Variants in HS3ST4 observed in about 807,000 individuals in gnomAD.
The protein encoded by HS3ST4 is heparan sulfate-glucosamine 3-sulfotransferase 4.
In HS3ST4, 17 loss-of-function variants were observed where a neutral mutation model predicts 29.2. The observed-to-expected ratio is 0.58, with a 90% confidence interval of 0.40 to 0.87. HS3ST4 has a LOEUF of 0.87. Among genes scored for constraint, HS3ST4 ranks in the 40% least tolerant of loss-of-function variants. The pLI is 0.00. For synonymous variants in HS3ST4, 314 were observed against 285.7 expected (o/e 1.10, Z -1.00); for missense variants, 627 against 634.5 (o/e 0.99, Z 0.13).
At chr16:25,774,071 G>A (rs1966845336) in intron 1 of HS3ST4, among the ~76,000 whole-genome samples, 2 of 152,166 alleles carry the variant, frequency 1.3e-5, no homozygotes, top group African/African-American at 4.8e-5. Context: ...AAATACCCCA[G>A]TTTCTGAAAG....
At position 25,860,737 on chromosome 16, in the gene HS3ST4, G is replaced by A. The variant is rs140922270; in HGVS notation, c.734+167586G>A. 3.8e-3 allele frequency among the ~76,000 whole-genome samples: 585 copies of A among 152,260 alleles called. 7 individuals are homozygous for A. In the South Asian group the frequency reaches 0.044, roughly 12 times the overall value. On this transcript the variant is annotated intron_variant, in intron 1 of 1. Coordinates refer to ENST00000331351, the MANE Select transcript of HS3ST4 (RefSeq NM_006040.3). ...GGATAGGGAGGGTTGAATAGGTGGA[G>A]CACAGGGTATTTTTAGGGCCATGAA... is the stretch of plus-strand genomic sequence containing the variant.
intron 1 of HS3ST4, among the ~76,000 whole-genome samples, chr16:25,759,855 A>C (rs1283392550): frequency 6.6e-6 from 1 of 151,954 alleles, no homozygotes. Context: ...ACACCACTAC[A>C]CTCCAGCCTG....
chr16:25,828,328 C>CTCTCTTTCTCCCTT (rs1967256135), intron 1 of HS3ST4, among the ~76,000 whole-genome samples: 1 of 134,266 alleles, frequency 7.4e-6, no homozygotes, highest in Non-Finnish European at 1.6e-5. Context: ...CTCTCTCTCT[C>CTCTCTTTCTCCCTT]TCTCTCTCTC....
chr16:26,085,499 C>G (rs1234756509), intron 1 of HS3ST4, among the ~76,000 whole-genome samples: 1 of 131,394 alleles, frequency 7.6e-6, no homozygotes, highest in Non-Finnish European at 1.6e-5. Flanking sequence ...CTAATCAGTC[C>G]TATGAAAAAC....
intron 1 of HS3ST4, among the ~76,000 whole-genome samples, chr16:25,702,987 C>T (rs2966229): frequency 0.31 from 46,500 of 151,820 alleles, 7,442 homozygotes; most frequent in East Asian, 0.47. Context: ...GGTGAAACCC[C>T]GTCTCTACTA....
intron 1 of HS3ST4, among the ~76,000 whole-genome samples, chr16:25,961,513 C>G (rs765277209): frequency 2.2e-4 from 34 of 152,140 alleles, no homozygotes; most frequent in Non-Finnish European, 4.6e-4. Context: ...CTATCTCTTG[C>G]CAGACAATGG....
intron 1 of HS3ST4, among the ~76,000 whole-genome samples, chr16:25,813,844 C>T (rs147753172): frequency 5.9e-5 from 9 of 152,254 alleles, no homozygotes; most frequent in South Asian, 4.2e-4. Context: ...TGTCCATTAT[C>T]GGGTGAGTGG....
chr16:25,846,043 C>A (rs1023485186), intron 1 of HS3ST4, among the ~76,000 whole-genome samples: 3 of 152,130 alleles, frequency 2.0e-5, no homozygotes, highest in African/African-American at 7.2e-5. Flanking sequence ...ATTTTTCTTC[C>A]ACAATGAGAA....
chr16:25,803,432 A>G (rs1039481133), intron 1 of HS3ST4, among the ~76,000 whole-genome samples: 1 of 152,170 alleles, frequency 6.6e-6, no homozygotes, highest in African/African-American at 2.4e-5. Flanking sequence ...TTGTTCGTTG[A>G]TCTGAGCACT....
At chr16:25,780,940 C>T (rs992118479) in intron 1 of HS3ST4, among the ~76,000 whole-genome samples, 13 of 152,026 alleles carry the variant, frequency 8.6e-5, no homozygotes, top group Admixed American at 1.3e-4. Flanking sequence ...ACTGACTTAC[C>T]GGTACCTATT....
intron 1 of HS3ST4, among the ~76,000 whole-genome samples, chr16:25,701,481 A>G (rs1005238137): frequency 6.6e-6 from 1 of 152,130 alleles, no homozygotes; most frequent in Non-Finnish European, 1.5e-5. Flanking sequence ...GAGGGGTTCA[A>G]GGGTGCTATT....
chr16:25,899,188 C>T (rs975628685), intron 1 of HS3ST4, among the ~76,000 whole-genome samples: 1 of 152,220 alleles, frequency 6.6e-6, no homozygotes, highest in Admixed American at 6.5e-5. Flanking sequence ...TCAGATGTTA[C>T]TCCAGTGTTG....
intron 1 of HS3ST4, among the ~76,000 whole-genome samples, chr16:25,836,893 A>G (rs1193137269): frequency 6.6e-6 from 1 of 152,154 alleles, no homozygotes; most frequent in East Asian, 1.9e-4. Context: ...TGGATATGGT[A>G]CCTCCCAAAA....
chr16:25,886,325 G>A (rs1475420751), intron 1 of HS3ST4, among the ~76,000 whole-genome samples: 1 of 152,136 alleles, frequency 6.6e-6, no homozygotes, highest in African/African-American at 2.4e-5. Flanking sequence ...GAGCCACCAT[G>A]TCCAGCCCTT....
At chr16:26,086,378 C>G (rs991802055) in intron 1 of HS3ST4, among the ~76,000 whole-genome samples, 1 of 148,892 alleles carries the variant, frequency 6.7e-6, no homozygotes, top group East Asian at 2.0e-4. Context: ...GAGACAGAGT[C>G]TTGCTCTGTC....
intron 1 of HS3ST4, among the ~76,000 whole-genome samples, chr16:25,693,549 C>T (rs777083000): frequency 7.9e-5 from 12 of 152,170 alleles, no homozygotes; most frequent in Admixed American, 2.0e-4. Flanking sequence ...GCTAAATTGA[C>T]TAAGGGGATT....
At chr16:25,909,007 G>A (rs1019002645) in intron 1 of HS3ST4, among the ~76,000 whole-genome samples, 1 of 152,202 alleles carries the variant, frequency 6.6e-6, no homozygotes, top group Non-Finnish European at 1.5e-5. Flanking sequence ...ATGAGTCCTT[G>A]CTCCATCATT....
intron 1 of HS3ST4, among the ~76,000 whole-genome samples, chr16:25,928,916 T>G (rs1051179717): frequency 7.9e-5 from 12 of 152,218 alleles, no homozygotes; most frequent in African/African-American, 2.9e-4. Context: ...TGGGATACTT[T>G]ACGTTGTATC....
chr16:26,049,944 G>C (rs1165818064), intron 1 of HS3ST4, among the ~76,000 whole-genome samples: 1 of 152,152 alleles, frequency 6.6e-6, no homozygotes, highest in Non-Finnish European at 1.5e-5. Context: ...TGCCCTCCCT[G>C]GGTGCACCGT....
Sources: gnomAD v4.1 joint callset for allele counts (sites outside exome capture counted in the v4.1 genomes callset) on GRCh38, gnomAD v4.1.1 for gene constraint, MANE v1.5 for transcripts, NCBI Gene and HGNC (gene_info 2026-07-23, HGNC 2026-07-21) for gene names.